The following MEAF6 variants were observed in gnomAD, a reference collection of about 807,000 sequenced individuals.
MEAF6 encodes the protein chromatin modification-related protein MEAF6.
A neutral mutation model predicts 28.9 loss-of-function variants in MEAF6; 15 were observed. That is an observed-to-expected ratio of 0.52 (90% CI 0.35 to 0.80). The LOEUF is 0.80. Ranked by LOEUF, MEAF6 falls within the 30% of genes least tolerant of loss-of-function variation. The pLI is 0.01. For synonymous variants in MEAF6, 97 were observed against 88.7 expected (o/e 1.09, Z -0.53); for missense variants, 178 against 237.5 (o/e 0.75, Z 1.65).
intron 4 of MEAF6, among the ~76,000 whole-genome samples, chr1:37,506,163 C>T (rs1199412330): frequency 6.6e-6 from 1 of 151,904 alleles, no homozygotes; most frequent in South Asian, 2.1e-4. Context: ...CCCAGCTACT[C>T]GAGAGGCTGA....
chr1:37,499,265 G>C (rs1642219581), intron 5 of MEAF6, among the ~76,000 whole-genome samples: 1 of 152,170 alleles, frequency 6.6e-6, no homozygotes, highest in Non-Finnish European at 1.5e-5. Flanking sequence ...CTGGCACACA[G>C]TAAGTACTCA....
chr1:37,513,813 C>T (rs1642744058), intron 1 of MEAF6: 3 of 525,316 alleles, frequency 5.7e-6, no homozygotes, highest in Middle Eastern at 5.0e-4. Flanking sequence ...TTCACGGAAA[C>T]CATGAGTCAA....
rs1455974119 is a variant in MEAF6 at position 37,492,588 on chromosome 1, A to G, written c.*1511T>C. The G allele has an allele frequency of 2.0e-5, 3 of 151,900 alleles. No homozygotes were observed. Among genetic ancestry groups the G allele is most frequent in the East Asian group, 3.9e-4 (2 of 5,154 alleles). 9.4% of individuals were successfully genotyped at this position (151,900 alleles called of 1,614,324 possible). A position where few individuals can be genotyped will look rare whatever the true frequency, so the allele number is the denominator to read the frequency against. ...AAAAAAAAAAAAAAAAAAACCCACA[A>G]AAGTTTATTTGAGAACAAGAGTGAA... On this transcript the variant is annotated 3_prime_UTR_variant, in exon 7 of 7. Coordinates refer to ENST00000296214, the MANE Select transcript of MEAF6 (RefSeq NM_001270875.3).
At chr1:37,503,678 A>G (rs1446074140) in intron 4 of MEAF6, among the ~76,000 whole-genome samples, 1 of 151,156 alleles carries the variant, frequency 6.6e-6, no homozygotes, top group Admixed American at 6.6e-5. Context: ...AAAAAAAAAA[A>G]AAAGGCTGCA....
chr1:37,494,878 T>C (rs1032080050), intron 6 of MEAF6, among the ~76,000 whole-genome samples: 3 of 151,874 alleles, frequency 2.0e-5, no homozygotes, highest in African/African-American at 7.3e-5. Flanking sequence ...AAATATAATG[T>C]ACAATATTTC....
chr1:37,496,862 A>C (rs372456093), intron 5 of MEAF6: 6 of 1,008,940 alleles, frequency 5.9e-6, no homozygotes, highest in Admixed American at 3.5e-5. Context: ...TTAAGCAACA[A>C]AGTATCAAAC....
intron 1 of MEAF6, 182 bp from the exon 2 acceptor site, chr1:37,513,720 G>A: frequency 1.7e-6 from 1 of 605,224 alleles, no homozygotes; most frequent in African/African-American, 1.8e-5. Context: ...CTAGACCTTT[G>A]GGGGTGATGG....
At position 37,491,619 on chromosome 1, in the gene MEAF6, A is replaced by G. The variant is rs1431180391; in HGVS notation, c.*2480T>C. Among the ~76,000 whole-genome samples, 1 of 151,908 alleles carries G rather than the reference A, an allele frequency of 6.6e-6. No homozygotes were observed. Among genetic ancestry groups the G allele is most frequent in the Non-Finnish European group, 1.5e-5 (1 of 67,984 alleles). ...AAGGCTGAAGCAGGAAGATGGCTTG[A>G]CCCCAGAAGTTCGAGGCTGCACTGA... is the stretch of plus-strand genomic sequence containing the variant. On this transcript the variant is annotated 3_prime_UTR_variant, in exon 7 of 7. Coordinates refer to ENST00000296214, the MANE Select transcript of MEAF6 (RefSeq NM_001270875.3).
At position 37,493,845 on chromosome 1, in the gene MEAF6, T is replaced by C; in HGVS notation, c.*254A>G. On this transcript the variant is annotated 3_prime_UTR_variant, in exon 7 of 7. Coordinates refer to ENST00000296214, the MANE Select transcript of MEAF6 (RefSeq NM_001270875.3). The stretch of plus-strand genomic sequence containing the variant: ...AAGGGAGAAACGCACAGTTAGCAAC[T>C]TGCTGGGATTACAACATTGTCTTCA... 1 of 1,550,886 alleles carries C rather than the reference T, an allele frequency of 6.4e-7. No individual in the cohort carries two copies. Among genetic ancestry groups the C allele is most frequent in the South Asian group, 1.2e-5 (1 of 84,118 alleles).
At chr1:37,504,828 T>C (rs1011199747) in intron 4 of MEAF6, among the ~76,000 whole-genome samples, 7 of 133,798 alleles carry the variant, frequency 5.2e-5, no homozygotes, top group Non-Finnish European at 4.9e-5. Flanking sequence ...CACACACACA[T>C]TATCTATTTC....
rs750619396 is a variant in MEAF6, at chr1:37,501,812, G to A, written c.525C>T (p.Asn175=). Residue 175 remains asparagine (N), a synonymous_variant, in exon 5 of 7, where the codon AAC becomes AAT. Coordinates refer to ENST00000296214, the MANE Select transcript of MEAF6 (RefSeq NM_001270875.3). The part of the protein sequence containing the change: ...HSSHKKRKNK[N]RHRIDLKLNK... ...GGATCCCTGCCACTGACCTGTGCCG[G>A]TTTTTATTCTTTCGCTTTTTATGGC... 3 of 1,587,056 alleles carry A rather than the reference G, an allele frequency of 1.9e-6. No homozygotes were observed. Among genetic ancestry groups the A allele is most frequent in the South Asian group, 1.1e-5 (1 of 88,572 alleles).
At chr1:37,494,165 T>C (rs1642034796) in intron 6 of MEAF6, 58 bp from the exon 7 acceptor site, 14 of 1,460,518 alleles carry the variant, frequency 9.6e-6, no homozygotes, top group Non-Finnish European at 1.3e-5. Context: ...TGTTTGACCC[T>C]AAAGGAAAAA....
rs748433887 is a variant in MEAF6 at position 37,514,739 on chromosome 1, A to G, written c.8T>C (p.Met3Thr). 2 of 1,514,476 alleles carry G rather than the reference A, an allele frequency of 1.3e-6. No individual in the cohort carries two copies. Among genetic ancestry groups the G allele is most frequent in the East Asian group, 5.7e-5 (2 of 35,108 alleles). The allele number at this position is 1,514,476 out of a possible 1,614,324, so 93.8% of individuals were successfully genotyped here. ...CTGCGGCGGCGCCGCCTTGTTGTGC[A>G]TCGCCATGTTGGGCTGAGGCGGGCG... Reference protein sequence around the residue: MAMHNKAAPPQIP... With the variant: MATHNKAAPPQIP... Residue 3 changes from methionine to threonine, a missense_variant, in exon 1 of 7, where the codon ATG (methionine) becomes ACG (threonine). By Grantham distance (81) the Met-to-Thr change is moderately conservative. Around this residue, in one of 2 missense-constraint regions of MEAF6, gnomAD observed 54 missense variants for 37.0 expected, o/e 1.46. Coordinates refer to ENST00000296214, the MANE Select transcript of MEAF6 (RefSeq NM_001270875.3).
At chr1:37,503,658 CAAAAAAA>C (rs773565571) in intron 4 of MEAF6, among the ~76,000 whole-genome samples, 1 of 47,926 alleles carries the variant, frequency 2.1e-5, no homozygotes. Flanking sequence ...AAGACTGTCT[CAAAAAAA>C]AAAAAAAAAA....
At chr1:37,499,193 A>G (rs982568713) in intron 5 of MEAF6, among the ~76,000 whole-genome samples, 1 of 152,134 alleles carries the variant, frequency 6.6e-6, no homozygotes, top group Admixed American at 6.5e-5. Context: ...GGCAAATTCA[A>G]GTTATTTCCT....
intron 4 of MEAF6, among the ~76,000 whole-genome samples, chr1:37,503,031 C>T (rs1298971813): frequency 2.0e-5 from 3 of 152,102 alleles, no homozygotes; most frequent in Non-Finnish European, 4.4e-5. Flanking sequence ...CAGCCTCAAA[C>T]TCCTGGGTTC....
In MEAF6 at chr1:37,493,567, AG is replaced by A. The variant is rs1642009215; in HGVS notation, c.*531del. ...TGGCAACTGCATGAAAGAGATGATCAGATATGTCAGCAGGAAAGTATGAGCT... is the reference window on the plus strand; with the variant it reads ...TGGCAACTGCATGAAAGAGATGATCAATATGTCAGCAGGAAAGTATGAGCT... On this transcript the variant is annotated 3_prime_UTR_variant, in exon 7 of 7. Coordinates refer to ENST00000296214, the MANE Select transcript of MEAF6 (RefSeq NM_001270875.3). 1.8e-6 allele frequency: 1 copy of A among 568,866 alleles called. No homozygotes were observed. The highest frequency in any genetic ancestry group is 1.9e-5 in the African/African-American group (1 of 51,582). 35.2% of individuals were successfully genotyped at this position (568,866 alleles called of 1,614,324 possible).
rs1037963946 is a variant in MEAF6, at chr1:37,492,057, C to A, written c.*2042G>T. Among the ~76,000 whole-genome samples, 28 of 150,408 alleles carry A rather than the reference C, an allele frequency of 1.9e-4. No homozygotes were observed. The highest frequency in any genetic ancestry group is 3.5e-4 in the Non-Finnish European group (24 of 67,830). On this transcript the variant is annotated 3_prime_UTR_variant, in exon 7 of 7. Transcript: ENST00000296214. The stretch of plus-strand genomic sequence containing the variant: ...ATATTTTTTTTTTTTGAGATGGAGT[C>A]TCGCTCTGTCGCCCAGGCTGGAGTG...
At chr1:37,502,206 C>T (rs1642330950) in intron 4 of MEAF6, among the ~76,000 whole-genome samples, 1 of 152,156 alleles carries the variant, frequency 6.6e-6, no homozygotes, top group Admixed American at 6.5e-5. Context: ...AGCATGTAAT[C>T]TGAAACAATG....
Sources: gnomAD v4.1 joint callset for allele counts (sites outside exome capture counted in the v4.1 genomes callset) on GRCh38, gnomAD v4.1.1 for gene constraint, gnomAD v4.1.1 regional missense constraint, MANE v1.5 for transcripts, NCBI Gene and HGNC (gene_info 2026-07-23, HGNC 2026-07-21) for gene names.